The following SYNE1 variants were observed in gnomAD, a reference collection of about 807,000 sequenced individuals.
The protein encoded by SYNE1 is spectrin repeat containing nuclear envelope protein 1.
A neutral mutation model predicts 1,111.0 loss-of-function variants in SYNE1; 616 were observed. The observed-to-expected ratio is 0.55, with a 90% CI of 0.52 to 0.59. The LOEUF (loss-of-function observed/expected upper bound fraction) is 0.59. Ranked by LOEUF, SYNE1 falls within the 20% of genes least tolerant of loss-of-function variation. The pLI is 0.00. For synonymous variants in SYNE1, 3,855 were observed against 3,825.8 expected (o/e 1.01, Z -0.28); for missense variants, 10,006 against 10,417.0 (o/e 0.96, Z 1.72).
intron 33 of SYNE1, chr6:152,435,733 A>G (rs1005979806): frequency 1.6e-6 from 1 of 624,824 alleles, no homozygotes; most frequent in Middle Eastern, 4.3e-4. Flanking sequence ...TGCAAAACCC[A>G]CATCCTTTAT....
intron 7 of SYNE1, 24 bp from the exon 8 acceptor site, chr6:152,510,395 A>C: frequency 6.2e-7 from 1 of 1,612,158 alleles, no homozygotes; most frequent in Non-Finnish European, 8.5e-7. Flanking sequence ...AACAGCCAGC[A>C]AAAATATAAG....
chr6:152,573,949 A>G (rs1300246037), intron 3 of SYNE1, among the ~76,000 whole-genome samples: 1 of 152,154 alleles, frequency 6.6e-6, no homozygotes, highest in East Asian at 1.9e-4. Context: ...ACATATTTTA[A>G]CTTTACGGGC....
chr6:152,621,577 C>T lies in SYNE1; in HGVS notation c.67+6688G>A, dbSNP rs566402580. On this transcript the variant is annotated intron_variant, in intron 3 of 145. Coordinates refer to ENST00000367255, the MANE Select transcript of SYNE1 (RefSeq NM_182961.4). ...CTTGCCATAATTTAGTATTTGTAAA[C>T]CTTTGCTTTTTTTTTTTTATTTAAC... Among the ~76,000 whole-genome samples the T allele has an allele frequency of 1.6e-4, 24 of 149,970 alleles. No homozygotes were observed. In the South Asian group the frequency reaches 4.2e-3, roughly 26 times the overall value.
Position 152,136,681 on chromosome 6 carries a change from G to T in SYNE1, c.25596C>A (p.Asp8532Glu). Residue 8532 changes from aspartate (D) to glutamate (E), a missense_variant, in exon 141 of 146, where the codon GAC becomes GAA. Coordinates refer to ENST00000367255, the MANE Select transcript of SYNE1 (RefSeq NM_182961.4). ...ACTCCTCCAGCAGAGAGCACACTCG[G>T]TCCCAGCGCCCATTCATCTGCGACA... is the stretch of plus-strand genomic sequence containing the variant. Reference protein sequence around the residue: ...DRLSQMNGRWDRVCSLLEEWR... With the variant: ...DRLSQMNGRWERVCSLLEEWR... The T allele has an allele frequency of 6.2e-7, 1 of 1,614,174 alleles. No individual in the cohort carries two copies. Among genetic ancestry groups the T allele is most frequent in the Non-Finnish European group, 8.5e-7 (1 of 1,180,034 alleles).
rs1381318442 is a variant in SYNE1, at chr6:152,206,279, G to A, written c.22908C>T (p.Asp7636=). ...EAGKQLLLSA[D]SGAEAALQAE... ...CCTGCAAGGCGGCCTCAGCGCCACTGTCCGCCGAGAGAAGGAGTTGCTTGC... is the reference window on the plus strand; with the variant it reads ...CCTGCAAGGCGGCCTCAGCGCCACTATCCGCCGAGAGAAGGAGTTGCTTGC... Residue 7636 remains aspartate (D), a synonymous_variant, in exon 126 of 146, where the codon GAC becomes GAT. Coordinates refer to ENST00000367255, the MANE Select transcript of SYNE1 (RefSeq NM_182961.4). 3.1e-6 allele frequency: 5 copies of A among 1,613,844 alleles called. No homozygotes were observed. The African/African-American group carries it at 6.7e-5, about 22-fold the overall frequency.
In SYNE1 at chr6:152,584,833, G is replaced by A. The variant is rs78272857; in HGVS notation, c.67+43432C>T. ...TGTATACATGCTTCTGCATCTTCAC[G>A]TTACATTACATTTAAATCTTCATCA... On this transcript the variant is annotated intron_variant, in intron 3 of 145. Coordinates refer to ENST00000367255, the MANE Select transcript of SYNE1 (RefSeq NM_182961.4). Among the ~76,000 whole-genome samples the A allele has an allele frequency of 5.5e-3, 837 of 152,248 alleles. 8 individuals carry two copies. Among genetic ancestry groups the A allele is most frequent in the African/African-American group, 0.018 (750 of 41,546 alleles).
chr6:152,331,074 C>T lies in SYNE1; in HGVS notation c.13611G>A (p.Gln4537=). ...CACTGTCATAGACACTCTGCAATTC[C>T]TGAAGCTTCCCCAGCACTTCACTCT... ...QEKSEVLGKL[Q]ELQSVYDSVL... is the part of the protein sequence containing the mutation. Residue 4537 remains glutamine (Q), a synonymous_variant, in exon 78 of 146, where the codon CAG becomes CAA. Transcript: ENST00000367255. 6.2e-7 allele frequency: 1 copy of T among 1,614,164 alleles called. No homozygotes were observed. The highest frequency in any genetic ancestry group is 8.5e-7 in the Non-Finnish European group (1 of 1,180,028).
intron 145 of SYNE1, chr6:152,128,631 C>CA (rs1282502926): frequency 6.6e-6 from 1 of 152,224 alleles, no homozygotes; most frequent in Non-Finnish European, 1.5e-5. Flanking sequence ...TCTTCCAACT[C>CA]AGTCTCTTTC....
chr6:152,463,583 G>T, intron 18 of SYNE1, 66 bp from the exon 19 acceptor site: 1 of 1,292,016 alleles, frequency 7.7e-7, no homozygotes, highest in Non-Finnish European at 1.1e-6. Flanking sequence ...ATATGAAAGT[G>T]ACTAAAGTAG....
intron 39 of SYNE1, among the ~76,000 whole-genome samples, chr6:152,424,534 C>T (rs2154193551): frequency 6.6e-6 from 1 of 152,288 alleles, no homozygotes; most frequent in East Asian, 1.9e-4. Context: ...GTTCACCCCT[C>T]ATTATTCCCA....
intron 4 of SYNE1, among the ~76,000 whole-genome samples, chr6:152,530,314 C>G (rs139412004): frequency 6.6e-6 from 1 of 152,292 alleles, no homozygotes; most frequent in African/African-American, 2.4e-5. Flanking sequence ...AAATGAGGCA[C>G]AACTGACGTG....
chr6:152,123,517 T>TTA (rs2052197733), intron 145 of SYNE1, among the ~76,000 whole-genome samples: 1 of 152,256 alleles, frequency 6.6e-6, no homozygotes, highest in Non-Finnish European at 1.5e-5. Flanking sequence ...TTCAGAACTC[T>TTA]TAAGAAGGAC....
intron 127 of SYNE1, among the ~76,000 whole-genome samples, chr6:152,193,893 G>A (rs992763898): frequency 4.6e-5 from 7 of 151,462 alleles, no homozygotes; most frequent in Non-Finnish European, 7.4e-5. Context: ...GGTGCCTGTA[G>A]TCCCAGCTAC....
At chr6:152,603,812 G>GTT (rs2099602020) in intron 3 of SYNE1, among the ~76,000 whole-genome samples, 1 of 96,364 alleles carries the variant, frequency 1.0e-5, no homozygotes, top group African/African-American at 5.0e-5. Context: ...TATATAGAGA[G>GTT]TATATATATA....
At chr6:152,614,667 T>C (rs2099641012) in intron 3 of SYNE1, among the ~76,000 whole-genome samples, 2 of 152,098 alleles carry the variant, frequency 1.3e-5, no homozygotes, top group South Asian at 4.1e-4. Context: ...CATGCTACTA[T>C]AAGGACACAT....
chr6:152,467,348 A>G (rs2098776671), intron 16 of SYNE1, among the ~76,000 whole-genome samples: 1 of 152,122 alleles, frequency 6.6e-6, no homozygotes, highest in Admixed American at 6.5e-5. Flanking sequence ...ATAATTTACT[A>G]GAATTTAAAT....
At chr6:152,258,252 C>T (rs1228168325) in intron 101 of SYNE1, among the ~76,000 whole-genome samples, 2 of 151,940 alleles carry the variant, frequency 1.3e-5, no homozygotes, top group Non-Finnish European at 2.9e-5. Context: ...GAAATTAATA[C>T]CTGAGAGCTG....
chr6:152,369,181 A>G, intron 60 of SYNE1, 54 bp from the exon 61 acceptor site: 3 of 1,598,440 alleles, frequency 1.9e-6, no homozygotes, highest in Non-Finnish European at 2.6e-6. Context: ...CACATCGCGG[A>G]CGAAGCTTTG....
intron 72 of SYNE1, 152 bp from the exon 73 acceptor site, chr6:152,347,387 A>C: frequency 1.1e-6 from 1 of 913,360 alleles, no homozygotes; most frequent in East Asian, 2.7e-5. Flanking sequence ...AAACAAAAGC[A>C]CATGTATGTT....
Sources: allele counts gnomAD v4.1 joint callset (sites outside exome capture counted in the v4.1 genomes callset), GRCh38; gene constraint gnomAD v4.1.1; transcripts MANE v1.5; gene names NCBI Gene and HGNC (gene_info 2026-07-23, HGNC 2026-07-21).